The following PACSIN2 variants were observed in gnomAD, a reference collection of about 807,000 sequenced individuals.
The protein encoded by PACSIN2 is protein kinase C and casein kinase substrate in neurons protein 2.
A neutral mutation model predicts 63.8 loss-of-function variants in PACSIN2; 25 were observed. The observed-to-expected ratio is 0.39, with a 90% CI of 0.29 to 0.55. PACSIN2 has a LOEUF of 0.55. Ranked by LOEUF, PACSIN2 falls within the 20% of genes least tolerant of loss-of-function variation. PACSIN2 has a pLI of 0.62. For synonymous variants in PACSIN2, 255 were observed against 256.2 expected (o/e 1.00, Z 0.05); for missense variants, 518 against 646.9 (o/e 0.80, Z 2.16).
rs759308087 is a variant in PACSIN2, at chr22:42,871,309, C to T, written c.*48G>A. 1 of 1,227,640 alleles carries T rather than the reference C, an allele frequency of 8.1e-7. No individual in the cohort carries two copies. Among genetic ancestry groups the T allele is most frequent in the Non-Finnish European group, 1.2e-6 (1 of 832,468 alleles). 76.0% of individuals were successfully genotyped at this position (1,227,640 alleles called of 1,614,324 possible). ...TGGATGCCCACGTGGCTGGCTGAGGCTCCTGGGCCCGCCGCCTCCGTCCCC... is the reference window on the plus strand; with the variant it reads ...TGGATGCCCACGTGGCTGGCTGAGGTTCCTGGGCCCGCCGCCTCCGTCCCC... On this transcript the variant is annotated 3_prime_UTR_variant, in exon 11 of 11. Transcript: ENST00000263246. This position sits in a 1 kb window ranked among gnomAD's most constrained non-coding sequence, Gnocchi z 5.4.
intron 1 of PACSIN2, among the ~76,000 whole-genome samples, chr22:42,982,888 A>AAAAAAAAAAAAACAAC (rs759532303): frequency 1.3e-4 from 14 of 105,212 alleles, no homozygotes; most frequent in Admixed American, 3.4e-4. Flanking sequence ...AAAAAAAAAA[A>AAAAAAAAAAAAACAAC]AACAACAACA....
At chr22:42,990,866 A>G (rs1237766850) in intron 1 of PACSIN2, among the ~76,000 whole-genome samples, 2 of 152,158 alleles carry the variant, frequency 1.3e-5, no homozygotes, top group Non-Finnish European at 2.9e-5. Flanking sequence ...ATGCTAAACC[A>G]TATCTGTCCT....
Position 42,891,003 on chromosome 22 carries a change from C to T in PACSIN2, c.397G>A (p.Glu133Lys). 3.7e-6 allele frequency: 6 copies of T among 1,614,170 alleles called. No individual in the cohort carries two copies. Among genetic ancestry groups the T allele is most frequent in the Non-Finnish European group, 4.2e-6 (5 of 1,180,040 alleles). The change falls in exon 4 of 11, where the codon GAA becomes AAA. Residue 133 changes from glutamate to lysine, a missense_variant. Transcript: ENST00000263246. ...QMMGGFKETK[E>K]AEDGFRKAQK... The stretch of plus-strand genomic sequence containing the variant: ...GCCTTCCGAAAGCCGTCCTCAGCTT[C>T]CTTGGTCTCCTTGAAGCCGCCCATC...
At chr22:42,976,874 G>A (rs1024809064) in intron 1 of PACSIN2, among the ~76,000 whole-genome samples, 1 of 152,208 alleles carries the variant, frequency 6.6e-6, no homozygotes, top group Non-Finnish European at 1.5e-5. Context: ...CAGAGAATTA[G>A]TAAATGGCAG....
chr22:42,899,218 T>A (rs1020984425), intron 2 of PACSIN2, among the ~76,000 whole-genome samples: 1 of 152,224 alleles, frequency 6.6e-6, no homozygotes, highest in Admixed American at 6.5e-5. Context: ...GGTAAAACCA[T>A]AACATGACCA....
intron 1 of PACSIN2, among the ~76,000 whole-genome samples, chr22:42,992,119 G>C (rs866785027): frequency 6.6e-6 from 1 of 152,116 alleles, no homozygotes; most frequent in Admixed American, 6.6e-5. Context: ...AATTGATCAA[G>C]GAATTGTATC....
intron 10 of PACSIN2, among the ~76,000 whole-genome samples, chr22:42,874,323 T>A (rs1438259142): frequency 4.5e-5 from 6 of 133,848 alleles, no homozygotes; most frequent in Non-Finnish European, 3.2e-5. Flanking sequence ...GTGTCTCTAT[T>A]AAAAAAAAAA....
chr22:42,952,275 C>T (rs1182591333), intron 1 of PACSIN2, among the ~76,000 whole-genome samples: 2 of 151,966 alleles, frequency 1.3e-5, no homozygotes, highest in African/African-American at 4.8e-5. Flanking sequence ...GCACAGCAAA[C>T]CAGGTATCTT....
At chr22:43,011,209 C>A (rs953911855) in intron 1 of PACSIN2, among the ~76,000 whole-genome samples, 1 of 152,224 alleles carries the variant, frequency 6.6e-6, no homozygotes, top group Non-Finnish European at 1.5e-5. Flanking sequence ...CTGTGGAATG[C>A]AAACTGCCTT....
At chr22:42,923,642 T>A (rs886168806) in intron 1 of PACSIN2, among the ~76,000 whole-genome samples, 8 of 152,158 alleles carry the variant, frequency 5.3e-5, no homozygotes, top group African/African-American at 1.9e-4. Context: ...TCAGCCAGGA[T>A]GGTCTCGATC....
intron 1 of PACSIN2, among the ~76,000 whole-genome samples, chr22:42,973,711 G>A (rs953761870): frequency 1.3e-5 from 2 of 152,186 alleles, no homozygotes; most frequent in Non-Finnish European, 2.9e-5. Flanking sequence ...CCCTGTAACT[G>A]ACACAGAAAC....
chr22:42,962,947 C>T (rs181054370), intron 1 of PACSIN2, among the ~76,000 whole-genome samples: 1 of 152,176 alleles, frequency 6.6e-6, no homozygotes, highest in Non-Finnish European at 1.5e-5. Context: ...TGGCAGAAGA[C>T]AAGACTGACT....
At chr22:42,931,412 G>A (rs566365106) in intron 1 of PACSIN2, among the ~76,000 whole-genome samples, 29 of 152,346 alleles carry the variant, frequency 1.9e-4, no homozygotes, top group East Asian at 9.6e-4. Context: ...CCAAGCCAGC[G>A]ACACCAAGGT....
intron 10 of PACSIN2, among the ~76,000 whole-genome samples, chr22:42,872,926 C>T (rs1928279987): frequency 1.3e-5 from 2 of 152,218 alleles, no homozygotes; most frequent in Non-Finnish European, 1.5e-5. Context: ...GGGCCCCTGG[C>T]GTTTCTTTTG....
chr22:42,898,277 CTTTTT>C (rs113057498), intron 2 of PACSIN2, among the ~76,000 whole-genome samples: 1 of 145,280 alleles, frequency 6.9e-6, no homozygotes, highest in African/African-American at 2.5e-5. Flanking sequence ...CCTTCCTTTT[CTTTTT>C]TTTTTTTTGA....
chr22:42,976,284 A>G (rs1245537426), intron 1 of PACSIN2, among the ~76,000 whole-genome samples: 1 of 152,234 alleles, frequency 6.6e-6, no homozygotes, highest in East Asian at 1.9e-4. Flanking sequence ...TTCCCAGCCC[A>G]ACCCCAGGAA....
intron 1 of PACSIN2, among the ~76,000 whole-genome samples, chr22:42,986,152 A>G (rs1922597148): frequency 1.3e-5 from 2 of 152,222 alleles, no homozygotes; most frequent in Admixed American, 1.3e-4. Context: ...GGGAAAAACA[A>G]GAAAAGGAAG....
intron 1 of PACSIN2, among the ~76,000 whole-genome samples, chr22:42,974,404 C>A (rs1349117019): frequency 6.6e-6 from 1 of 152,086 alleles, no homozygotes. Context: ...ATTTCCATTC[C>A]CTCAATGCTC....
intron 2 of PACSIN2, among the ~76,000 whole-genome samples, chr22:42,894,576 G>C (rs768047230): frequency 3.9e-5 from 6 of 152,240 alleles, no homozygotes; most frequent in African/African-American, 7.2e-5. Flanking sequence ...AAGTAGGACT[G>C]TCTTGATGGC....
Sources: gnomAD v4.1 joint callset for allele counts (sites outside exome capture counted in the v4.1 genomes callset) on GRCh38, gnomAD v4.1.1 for gene constraint, Gnocchi (gnomAD v3.1) non-coding constraint, MANE v1.5 for transcripts, NCBI Gene and HGNC (gene_info 2026-07-23, HGNC 2026-07-21) for gene names.